ABLIM2: variants seen among roughly 807,000 people sequenced by gnomAD.
ABLIM2 encodes the protein actin binding LIM protein family member 2, also known as actin-binding LIM protein 2.
ABLIM2 carries 53 observed loss-of-function variants against 97.7 expected under a neutral mutation model. The observed-to-expected ratio is 0.54, with a 90% CI of 0.44 to 0.68. The LOEUF (loss-of-function observed/expected upper bound fraction) is 0.68. Ranked by LOEUF, ABLIM2 falls within the 30% of genes least tolerant of loss-of-function variation. The probability of loss-of-function intolerance (pLI) is 0.00; values close to 1 mark genes in which losing one functional copy is unlikely to be tolerated. For synonymous variants in ABLIM2, 361 were observed against 345.8 expected (o/e 1.04, Z -0.49); for missense variants, 835 against 867.2 (o/e 0.96, Z 0.47).
Position 8,001,790 on chromosome 4 carries a change from C to T in ABLIM2, c.1618+6269G>A, listed in dbSNP as rs902835689. Among the ~76,000 whole-genome samples, 1 of 152,142 alleles carries T rather than the reference C, an allele frequency of 6.6e-6. No homozygotes were observed. The highest frequency in any genetic ancestry group is 1.5e-5 in the Non-Finnish European group (1 of 68,024). ...GCAGGATCAGCCCTGCTGGCTGCCC[C>T]CTTCCCCACTTCCCTGGCCCACTTC... On this transcript the variant is annotated intron_variant, in intron 16 of 20. Transcript: ENST00000447017. This position sits in a 1 kb window ranked among gnomAD's most constrained non-coding sequence, Gnocchi z 4.2.
At chr4:8,102,309 G>T (rs71603912) in intron 2 of ABLIM2, among the ~76,000 whole-genome samples, 1 of 152,128 alleles carries the variant, frequency 6.6e-6, no homozygotes, top group African/African-American at 2.4e-5. Flanking sequence ...TTTGCCCAAA[G>T]GTCACCTCCT....
chr4:7,966,583 G>A lies in ABLIM2; in HGVS notation c.*407C>T. 1 of 176,466 alleles carries A rather than the reference G, an allele frequency of 5.7e-6. No individual in the cohort carries two copies. Among genetic ancestry groups the A allele is most frequent in the Admixed American group, 5.7e-5 (1 of 17,514 alleles). The allele number at this position is 176,466 out of a possible 1,614,324, so 10.9% of individuals were successfully genotyped here. ...GGCCGTGTGCCCACCCCCGATGATG[G>A]TGTCAGCAACCATCATCAACAAGCC... On this transcript the variant is annotated 3_prime_UTR_variant, in exon 21 of 21. Coordinates refer to ENST00000447017, the MANE Select transcript of ABLIM2 (RefSeq NM_001130083.2).
intron 6 of ABLIM2, among the ~76,000 whole-genome samples, chr4:8,070,289 T>C (rs1173815081): frequency 2.0e-5 from 3 of 151,518 alleles, no homozygotes; most frequent in Non-Finnish European, 4.4e-5. Context: ...TGTGTGTATA[T>C]CTCGTGTGTG....
At chr4:7,983,739 G>A (rs1397321945) in intron 18 of ABLIM2, among the ~76,000 whole-genome samples, 185 bp from the exon 19 acceptor site, 1 of 150,638 alleles carries the variant, frequency 6.6e-6, no homozygotes, top group African/African-American at 2.5e-5. Context: ...GGGGCCCTGA[G>A]GGCCTCCCCC....
rs369371585 is a variant in ABLIM2, at chr4:8,124,527, G to C, written c.11-17890C>G. 3.7e-3 allele frequency among the ~76,000 whole-genome samples: 556 copies of C among 152,252 alleles called. 5 individuals carry two copies. Among genetic ancestry groups the C allele is most frequent in the African/African-American group, 0.013 (541 of 41,548 alleles). ...CACACTGCGTGGTCCTTCGCGACTG[G>C]CTTCTTTCACTCGGCGTCATGTTTT... On this transcript the variant is annotated intron_variant, in intron 1 of 20. Coordinates refer to ENST00000447017, the MANE Select transcript of ABLIM2 (RefSeq NM_001130083.2). This position sits in a 1 kb window ranked among gnomAD's most constrained non-coding sequence, Gnocchi z 6.1.
intron 8 of ABLIM2, among the ~76,000 whole-genome samples, chr4:8,047,522 G>A (rs958780403): frequency 6.6e-5 from 10 of 152,210 alleles, no homozygotes; most frequent in African/African-American, 2.2e-4. Context: ...GATTTCTGCA[G>A]GCTGGCAGGG....
In ABLIM2 at chr4:8,061,107, TG is replaced by T; in HGVS notation, c.676-54del. 6.7e-7 allele frequency: 1 copy of T among 1,501,518 alleles called. No homozygotes were observed. The highest frequency in any genetic ancestry group is 9.1e-7 in the Non-Finnish European group (1 of 1,103,180). The allele number at this position is 1,501,518 out of a possible 1,614,324, so 93.0% of individuals were successfully genotyped here. ...TTCTACTAAAGCCAGAAAGGTCGGC[TG>T]GGTCCCAGCGCCCGGCATGGATACA... On this transcript the variant is annotated intron_variant, in intron 6 of 20. Transcript: ENST00000447017. The surrounding 1 kb of genome is among the most constrained non-coding windows in gnomAD (Gnocchi z 4.5).
rs865777628 is a variant in ABLIM2, at chr4:8,127,852, G to T, written c.11-21215C>A. Among the ~76,000 whole-genome samples, 1 of 152,096 alleles carries T rather than the reference G, an allele frequency of 6.6e-6. No individual in the cohort carries two copies. The highest frequency in any genetic ancestry group is 1.5e-5 in the Non-Finnish European group (1 of 67,994). On this transcript the variant is annotated intron_variant, in intron 1 of 20. Coordinates refer to ENST00000447017, the MANE Select transcript of ABLIM2 (RefSeq NM_001130083.2). This position sits in a 1 kb window ranked among gnomAD's most constrained non-coding sequence, Gnocchi z 7.3. ...GGGGCTCTGAAAAGGCACTCGGGGT[G>T]GGGGAGGAGTGGTGGGGGTGGGGAG...
rs1450978944 is a variant in ABLIM2 at position 8,027,846 on chromosome 4, T to G, written c.1180A>C (p.Ser394Arg). The stretch of plus-strand genomic sequence containing the variant: ...GAGAGGCAGCTACTGGTACCCACAC[T>G]CACAGTACCAGCTACGGGGTAACAG... ...QHYSRPAGTV[S>R]VGTSSCLSLS... The change falls in exon 12 of 21, where the codon AGT (serine) becomes CGT (arginine). Residue 394 changes from serine to arginine, a missense_variant. By Grantham distance (110) the Ser-to-Arg change is moderately radical (BLOSUM62 -1). Coordinates refer to ENST00000447017, the MANE Select transcript of ABLIM2 (RefSeq NM_001130083.2). The G allele has an allele frequency of 6.3e-7, 1 of 1,593,958 alleles. No homozygotes were observed. The highest frequency in any genetic ancestry group is 1.4e-5 in the African/African-American group (1 of 73,824).
At chr4:8,081,108 G>T (rs1225393707) in intron 4 of ABLIM2, among the ~76,000 whole-genome samples, 1 of 151,952 alleles carries the variant, frequency 6.6e-6, no homozygotes, top group African/African-American at 2.4e-5. Context: ...GTTGGCTCCT[G>T]GCACCGAGAC....
chr4:8,021,014 G>A lies in ABLIM2; in HGVS notation c.1268-711C>T, dbSNP rs1773319635. On this transcript the variant is annotated intron_variant, in intron 12 of 20. Coordinates refer to ENST00000447017, the MANE Select transcript of ABLIM2 (RefSeq NM_001130083.2). The surrounding 1 kb of genome is among the most constrained non-coding windows in gnomAD (Gnocchi z 5.5). ...TGGGACCACAGGTGTGCACTACCAC[G>A]CCTGGCTAATTTTTTTAATTTTGTA... Among the ~76,000 whole-genome samples, 2 of 151,580 alleles carry A rather than the reference G, an allele frequency of 1.3e-5. No homozygotes were observed. The highest frequency in any genetic ancestry group is 6.6e-5 in the Admixed American group (1 of 15,226).
intron 7 of ABLIM2, among the ~76,000 whole-genome samples, chr4:8,057,750 T>C (rs930405589): frequency 2.0e-5 from 3 of 151,912 alleles, no homozygotes; most frequent in African/African-American, 7.3e-5. Context: ...ATTGCGGGGG[T>C]TGGCCTGCCT....
Position 8,032,175 on chromosome 4 carries a change from T to C in ABLIM2, c.1048-2399A>G, listed in dbSNP as rs928291629. Among the ~76,000 whole-genome samples, 1 of 148,368 alleles carries C rather than the reference T, an allele frequency of 6.7e-6. No individual in the cohort carries two copies. The highest frequency in any genetic ancestry group is 6.8e-5 in the Admixed American group (1 of 14,790). The stretch of plus-strand genomic sequence containing the variant: ...CTGCAGTCTGATTGGCAGCTCTCTA[T>C]GTCACTGATTAATTTTGAGAAACAG... On this transcript the variant is annotated intron_variant, in intron 10 of 20. Coordinates refer to ENST00000447017, the MANE Select transcript of ABLIM2 (RefSeq NM_001130083.2). This position sits in a 1 kb window ranked among gnomAD's most constrained non-coding sequence, Gnocchi z 4.3.
chr4:8,051,307 G>A (rs914779208), intron 8 of ABLIM2, among the ~76,000 whole-genome samples: 3 of 152,190 alleles, frequency 2.0e-5, no homozygotes, highest in Non-Finnish European at 2.9e-5. Context: ...CCAGCACTTT[G>A]GGAGGCCGAG....
chr4:8,127,432 C>G lies in ABLIM2; in HGVS notation c.11-20795G>C, dbSNP rs2152923565. The G allele has an allele frequency of 2.4e-6, 3 of 1,224,762 alleles. No individual in the cohort carries two copies. Among genetic ancestry groups the G allele is most frequent in the Non-Finnish European group, 3.2e-6 (3 of 938,886 alleles). 75.9% of individuals were successfully genotyped at this position (1,224,762 alleles called of 1,614,324 possible). On this transcript the variant is annotated intron_variant, in intron 1 of 20. Coordinates refer to ENST00000447017, the MANE Select transcript of ABLIM2 (RefSeq NM_001130083.2). This position sits in a 1 kb window ranked among gnomAD's most constrained non-coding sequence, Gnocchi z 7.3. ...CTTGACTGGACCCGTCCTTTCCCAC[C>G]AGACCCCTGAAGCTGATTCATGGAG...
At chr4:8,121,980 C>T (rs991816386) in intron 1 of ABLIM2, among the ~76,000 whole-genome samples, 2 of 152,348 alleles carry the variant, frequency 1.3e-5, no homozygotes, top group African/African-American at 2.4e-5. Context: ...TCTCAACTCC[C>T]TCTCTGGGAG....
chr4:8,119,568 C>T (rs1290181317), intron 1 of ABLIM2, among the ~76,000 whole-genome samples: 11 of 152,000 alleles, frequency 7.2e-5, no homozygotes, highest in African/African-American at 1.5e-4. Context: ...CCTCATGATC[C>T]GCCCACCTGG....
At chr4:8,025,291 G>A in intron 12 of ABLIM2, among the ~76,000 whole-genome samples, 1 of 152,174 alleles carries the variant, frequency 6.6e-6, no homozygotes, top group Non-Finnish European at 1.5e-5. Flanking sequence ...GGGCAGAGAT[G>A]GGCATCAAAG....
rs887605971 is a variant in ABLIM2 at position 8,147,882 on chromosome 4, C to T, written c.10+10798G>A. On this transcript the variant is annotated intron_variant, in intron 1 of 20. Coordinates refer to ENST00000447017, the MANE Select transcript of ABLIM2 (RefSeq NM_001130083.2). The surrounding 1 kb of genome is among the most constrained non-coding windows in gnomAD (Gnocchi z 5.3). ...CCTTTGCCCAGCACTCTGGTTGTGC[C>T]ATCTTCCCTGAGCGAGGCACGGACC... 5.9e-5 allele frequency among the ~76,000 whole-genome samples: 9 copies of T among 152,244 alleles called. No homozygotes were observed. Among genetic ancestry groups the T allele is most frequent in the African/African-American group, 2.2e-4 (9 of 41,470 alleles).
Sources: gnomAD v4.1 joint callset for allele counts (sites outside exome capture counted in the v4.1 genomes callset) on GRCh38, gnomAD v4.1.1 for gene constraint, Gnocchi (gnomAD v3.1) non-coding constraint, MANE v1.5 for transcripts, NCBI Gene and HGNC (gene_info 2026-07-23, HGNC 2026-07-21) for gene names.